The following ZNF418 variants were observed in gnomAD, a reference collection of about 807,000 sequenced individuals.
ZNF418 encodes the protein zinc finger protein 418.
ZNF418 carries 32 observed loss-of-function variants against 32.0 expected under a neutral mutation model. The ratio of observed to expected loss-of-function variants is 1.00; its 90% CI spans 0.75 to 1.34. The LOEUF is 1.34. Among genes scored for constraint, ZNF418 ranks in the 40% most tolerant of loss-of-function variants. The probability of loss-of-function intolerance (pLI) is 0.00; values close to 1 mark genes in which losing one functional copy is unlikely to be tolerated. For missense variants in ZNF418, 804 were observed against 812.5 expected, an observed-to-expected ratio of 0.99 and a Z score of 0.13; for synonymous variants, 276 against 270.7, an observed-to-expected ratio of 1.02 and a Z score of -0.19.
Position 57,927,754 on chromosome 19 carries a change from C to T in ZNF418, c.427G>A (p.Glu143Lys). The stretch of plus-strand genomic sequence containing the variant: ...TTACACCTCTTCACAAACAATGCTT[C>T]CTCAACACTGCTTCTATAGGGTTTC... The part of the protein sequence containing the change: ...GEKPYRSSVE[E>K]ALFVKRCKFH... The change falls in exon 4 of 6, where the codon GAA becomes AAA. Residue 143 changes from glutamate (E) to lysine (K), a missense_variant. Around this residue, in one of 3 missense-constraint regions of ZNF418, gnomAD observed 307 missense variants for 304.9 expected, o/e 1.01. Transcript: ENST00000396147. The T allele has an allele frequency of 6.2e-7, 1 of 1,614,230 alleles. No homozygotes were observed. Among genetic ancestry groups the T allele is most frequent in the Non-Finnish European group, 8.5e-7 (1 of 1,180,048 alleles).
Position 57,921,927 on chromosome 19 carries a change from C to T in ZNF418, c.*1328G>A, listed in dbSNP as rs138246431. The T allele has an allele frequency of 7.9e-3, 1,198 of 152,242 alleles. 10 individuals are homozygous for T. The highest frequency in any genetic ancestry group is 0.012 in the Non-Finnish European group (839 of 68,032). The allele number at this position is 152,242 out of a possible 1,614,324, so 9.4% of individuals were successfully genotyped here. On this transcript the variant is annotated 3_prime_UTR_variant, in exon 6 of 6. Transcript: ENST00000396147. ...ATTGAGGACTTAGATACAGGGCAGT[C>T]CAGGAGCGGCAGGCTGGACAAAAAA...
intron 1 of ZNF418, chr19:57,934,321 T>C: frequency 1.7e-6 from 1 of 573,702 alleles, no homozygotes; most frequent in Non-Finnish European, 2.2e-6. Context: ...TTCAAGCAAT[T>C]CTCCTGCCTT....
Position 57,927,813 on chromosome 19 carries a change from G to C in ZNF418, c.368C>G (p.Ser123Ter), listed in dbSNP as rs769459630. 3.1e-6 allele frequency: 5 copies of C among 1,614,160 alleles called. No individual in the cohort carries two copies. The highest frequency in any genetic ancestry group is 1.7e-5 in the Admixed American group (1 of 60,020). ...EAWGNKLYDS[S>*]NRPHQNQYLG... is the part of the protein sequence containing the mutation. ...GTACTGATTCTGGTGCGGACGGTTT[G>C]AACTATCATACAATTTATTCCCCCA... The change falls in exon 4 of 6, where the codon TCA becomes TGA. Residue 123 changes from serine (S) to a stop codon, truncating the protein, a stop_gained. Transcript: ENST00000396147. LOFTEE classifies it high-confidence loss of function.
Position 57,935,301 on chromosome 19 carries a change from C to T in ZNF418, c.-221G>A, listed in dbSNP as rs1251538171. On this transcript the variant is annotated 5_prime_UTR_variant, in exon 1 of 6. Coordinates refer to ENST00000396147, the MANE Select transcript of ZNF418 (RefSeq NM_133460.3). ...CTCTTCACCTTCTGGGTTCAGACAC[C>T]GCGGTTCGGACCCATAGCTCCAGCG... The T allele has an allele frequency of 3.0e-6, 3 of 1,010,170 alleles. No homozygotes were observed. The African/African-American group carries it at 5.2e-5, about 17-fold the overall frequency. The allele number at this position is 1,010,170 out of a possible 1,614,324, so 62.6% of individuals were successfully genotyped here. A position where few individuals can be genotyped will look rare whatever the true frequency, so the allele number is the denominator to read the frequency against.
chr19:57,932,801 T>G (rs1226645816), intron 2 of ZNF418, among the ~76,000 whole-genome samples: 1 of 152,192 alleles, frequency 6.6e-6, no homozygotes, highest in East Asian at 1.9e-4. Context: ...CAAAGTTTTC[T>G]CAAAATCTTG....
chr19:57,930,394 A>G, intron 3 of ZNF418, 34 bp downstream of exon 3: 1 of 1,613,760 alleles, frequency 6.2e-7, no homozygotes. Context: ...GCAGAGATCT[A>G]TTCAGGAAAT....
intron 5 of ZNF418, 37 bp from the exon 6 acceptor site, chr19:57,922,666 T>C (rs925756583): frequency 5.0e-6 from 2 of 398,456 alleles, no homozygotes; most frequent in Non-Finnish European, 8.8e-6. Context: ...CATTTGATAC[T>C]TAAATATATG....
At chr19:57,930,367 G>A in intron 3 of ZNF418, 61 bp downstream of exon 3, 1 of 1,610,688 alleles carries the variant, frequency 6.2e-7, no homozygotes, top group Non-Finnish European at 8.5e-7. Context: ...TCTTGCCAAT[G>A]GGAGAAAAGG....
At chr19:57,935,054 C>T (rs992379485) in intron 1 of ZNF418, 107 bp downstream of exon 1, 22 of 1,353,376 alleles carry the variant, frequency 1.6e-5, no homozygotes, top group Non-Finnish European at 2.1e-5. Flanking sequence ...GCCTCAGTGT[C>T]CCGACGCCGG....
rs2072028682 is a variant in ZNF418 at position 57,922,410 on chromosome 19, G to C, written c.*845C>G. ...CAGTTAAATGAGTTCCCCTATTGCT[G>C]TGTAATTCACAAGAAATTCTCCAAG... On this transcript the variant is annotated 3_prime_UTR_variant, in exon 6 of 6. Coordinates refer to ENST00000396147, the MANE Select transcript of ZNF418 (RefSeq NM_133460.3). 1 of 395,282 alleles carries C rather than the reference G, an allele frequency of 2.5e-6. No homozygotes were observed. Among genetic ancestry groups the C allele is most frequent in the Non-Finnish European group, 4.5e-6 (1 of 224,624 alleles). The allele number at this position is 395,282 out of a possible 1,614,324, so 24.5% of individuals were successfully genotyped here. A position where few individuals can be genotyped will look rare whatever the true frequency, so the allele number is the denominator to read the frequency against.
chr19:57,926,678 C>T lies in ZNF418; in HGVS notation c.1503G>A (p.Gln501=). ...ACGGTTTTTCTCCAGTGTGAACTCTCTGATGAACACGAAACCCAGAGCTGT... is the reference window on the plus strand; with the variant it reads ...ACGGTTTTTCTCCAGTGTGAACTCTTTGATGAACACGAAACCCAGAGCTGT... ...FQDSSGFRVH[Q]RVHTGEKPFE... Residue 501 remains glutamine, a synonymous_variant, in exon 4 of 6, where the codon CAG becomes CAA. Coordinates refer to ENST00000396147, the MANE Select transcript of ZNF418 (RefSeq NM_133460.3). 4 of 1,614,108 alleles carry T rather than the reference C, an allele frequency of 2.5e-6. No homozygotes were observed. Among genetic ancestry groups the T allele is most frequent in the Non-Finnish European group, 3.4e-6 (4 of 1,180,042 alleles).
intron 1 of ZNF418, 132 bp downstream of exon 1, chr19:57,935,029 A>G: frequency 8.6e-6 from 12 of 1,403,282 alleles, no homozygotes; most frequent in Non-Finnish European, 1.1e-5. Flanking sequence ...AGAAACAAGG[A>G]CCTCTCCCGC....
At position 57,927,387 on chromosome 19, in the gene ZNF418, T is replaced by C. The variant is rs755668598; in HGVS notation, c.794A>G (p.Lys265Arg). The C allele has an allele frequency of 6.2e-7, 1 of 1,614,208 alleles. No individual in the cohort carries two copies. Among genetic ancestry groups the C allele is most frequent in the Non-Finnish European group, 8.5e-7 (1 of 1,180,048 alleles). The change falls in exon 4 of 6, where the codon AAA becomes AGA. Residue 265 changes from lysine to arginine, a missense_variant. Lys to Arg is a conservative substitution (Grantham distance 26). Around this residue, in one of 3 missense-constraint regions of ZNF418, gnomAD observed 22 missense variants for 49.0 expected, o/e 0.45. Transcript: ENST00000396147. Reference protein sequence around the residue: ...KRPYECGECGKSFSHKGSLVQ... With the variant: ...KRPYECGECGRSFSHKGSLVQ... Reference sequence around the variant, plus strand: ...AAGGCTGCCCTTATGACTAAAAGATTTCCCACATTCTCCACATTCATAAGG... The same window carrying C: ...AAGGCTGCCCTTATGACTAAAAGATCTCCCACATTCTCCACATTCATAAGG...
intron 1 of ZNF418, chr19:57,934,324 C>T (rs2072607085): frequency 5.8e-6 from 3 of 519,780 alleles, no homozygotes; most frequent in South Asian, 1.5e-4. Flanking sequence ...AAGCAATTCT[C>T]CTGCCTTAGC....
rs1338770651 is a variant in ZNF418, at chr19:57,927,237, T to G, written c.944A>C (p.Glu315Ala). ...QRVHTGERPY[E>A]CGECGKSFSQ... Reference sequence around the variant, plus strand: ...AAAAGATTTCCCACATTCTCCACACTCATAAGGTCTTTCTCCAGTATGAAC... The same window carrying G: ...AAAAGATTTCCCACATTCTCCACACGCATAAGGTCTTTCTCCAGTATGAAC... The change falls in exon 4 of 6, where the codon GAG (glutamate) becomes GCG (alanine). Residue 315 changes from glutamate to alanine, a missense_variant. Glu to Ala is a moderately radical substitution (Grantham distance 107). Coordinates refer to ENST00000396147, the MANE Select transcript of ZNF418 (RefSeq NM_133460.3). 2.5e-6 allele frequency: 4 copies of G among 1,614,092 alleles called. No homozygotes were observed. The African/African-American group carries it at 4.0e-5, about 16-fold the overall frequency.
At chr19:57,930,735 C>A (rs2122973402) in intron 2 of ZNF418, among the ~76,000 whole-genome samples, 181 bp from the exon 3 acceptor site, 1 of 152,224 alleles carries the variant, frequency 6.6e-6, no homozygotes, top group Middle Eastern at 3.4e-3. Context: ...GTATAGCCAT[C>A]AGCAATTAAG....
At chr19:57,934,297 C>A (rs1253405229) in intron 1 of ZNF418, 1 of 854,078 alleles carries the variant, frequency 1.2e-6, no homozygotes, top group East Asian at 1.1e-4. Context: ...TCACCGCAAC[C>A]TCTGCCTCCC....
In ZNF418 at chr19:57,930,433, G is replaced by C. The variant is rs181966444; in HGVS notation, c.128C>G (p.Ser43Cys). ...VMLENWVLIS[S>C]LGCWCGSEDE... is the part of the protein sequence containing the mutation. ...GTAGGGTGTGAGGAACTTACCCAGG[G>C]AGGATATAAGTACCCAGTTCTCCAG... The change falls in exon 3 of 6, where the codon TCC (serine) becomes TGC (cysteine). Residue 43 changes from serine to cysteine, a missense_variant. This residue lies in a region of ZNF418 where 307 missense variants were observed against 304.9 expected (regional missense o/e 1.01). Transcript: ENST00000396147. 1.4e-5 allele frequency: 23 copies of C among 1,614,098 alleles called. No homozygotes were observed. In the East Asian group the frequency reaches 4.9e-4, roughly 34 times the overall value.
chr19:57,923,019 G>T (rs78187102), intron 5 of ZNF418, among the ~76,000 whole-genome samples, 173 bp downstream of exon 5: 28 of 148,068 alleles, frequency 1.9e-4, no homozygotes, highest in African/African-American at 6.9e-4. Flanking sequence ...AAAAAAAAGG[G>T]CCAGGCACTA....
Sources: gnomAD v4.1 joint callset for allele counts (sites outside exome capture counted in the v4.1 genomes callset) on GRCh38, gnomAD v4.1.1 for gene constraint, gnomAD v4.1.1 regional missense constraint, MANE v1.5 for transcripts, NCBI Gene and HGNC (gene_info 2026-07-23, HGNC 2026-07-21) for gene names.